The following PCDHAC2 variants were observed in gnomAD, a reference collection of about 807,000 sequenced individuals.
The protein encoded by PCDHAC2 is protocadherin alpha-C2.
A neutral mutation model predicts 63.3 loss-of-function variants in PCDHAC2; 24 were observed. That is an observed-to-expected ratio of 0.38 (90% confidence interval 0.27 to 0.53). PCDHAC2 has a LOEUF of 0.53. PCDHAC2 is among the 20% of genes least tolerant of loss of function. PCDHAC2 has a pLI of 0.81. For synonymous variants in PCDHAC2, 569 were observed against 529.4 expected, an observed-to-expected ratio of 1.07 and a Z score of -1.03; for missense variants, 1,181 against 1,275.2, an observed-to-expected ratio of 0.93 and a Z score of 1.12.
chr5:140,990,427 AC>A (rs1488981685), intron 3 of PCDHAC2, among the ~76,000 whole-genome samples: 5 of 152,174 alleles, frequency 3.3e-5, no homozygotes, highest in African/African-American at 1.2e-4. Flanking sequence ...ACCAGCATTG[AC>A]CCAATCTTGT....
rs1554230915 is a variant in PCDHAC2, at chr5:140,968,609, G to C, written c.1843G>C (p.Gly615Arg). ...TKVIAMDSDS[G>R]QNAWLFYHLA... ...AGTCATAGCTATGGACTCAGACTCT[G>C]GGCAAAATGCTTGGCTTTTTTACCA... is the stretch of plus-strand genomic sequence containing the variant. The change falls in exon 1 of 4, where the codon GGG becomes CGG. Residue 615 changes from glycine to arginine, a missense_variant. Gly to Arg is a moderately radical substitution (Grantham distance 125). Around this residue, in one of 3 missense-constraint regions of PCDHAC2, gnomAD observed 968 missense variants for 1,073.5 expected, o/e 0.90. Coordinates refer to ENST00000289269, the MANE Select transcript of PCDHAC2 (RefSeq NM_018899.6). 6.2e-7 allele frequency: 1 copy of C among 1,614,194 alleles called. No individual in the cohort carries two copies. The highest frequency in any genetic ancestry group is 1.7e-5 in the Admixed American group (1 of 60,024).
At chr5:140,982,253 A>G (rs1209317234) in intron 2 of PCDHAC2, 16 of 777,640 alleles carry the variant, frequency 2.1e-5, no homozygotes, top group Admixed American at 3.3e-5. Context: ...AAGATAGAAC[A>G]TGTGTGTTCC....
chr5:140,995,883 A>C (rs892876266), intron 3 of PCDHAC2, among the ~76,000 whole-genome samples: 2 of 152,232 alleles, frequency 1.3e-5, no homozygotes, highest in Admixed American at 6.5e-5. Flanking sequence ...CCTGTGCTTC[A>C]GATTTATCAA....
Position 140,967,193 on chromosome 5 carries a change from G to A in PCDHAC2, c.427G>A (p.Asp143Asn), listed in dbSNP as rs1190093681. The A allele has an allele frequency of 6.2e-7, 1 of 1,613,392 alleles. No homozygotes were observed. The highest frequency in any genetic ancestry group is 8.5e-7 in the Non-Finnish European group (1 of 1,179,784). Reference protein sequence around the residue: ...AVEVEILDINDNSPRFPRPNY... With the variant: ...AVEVEILDINNNSPRFPRPNY... ...TGAGGTGGAAATATTGGACATCAAC[G>A]ACAACTCACCGCGTTTCCCGCGGCC... The change falls in exon 1 of 4, where the codon GAC becomes AAC. Residue 143 changes from aspartate to asparagine, a missense_variant. Asp to Asn is a conservative substitution (Grantham distance 23). Around this residue, in one of 3 missense-constraint regions of PCDHAC2, gnomAD observed 3 missense variants for 16.8 expected, o/e 0.18. Coordinates refer to ENST00000289269, the MANE Select transcript of PCDHAC2 (RefSeq NM_018899.6).
At position 141,003,197 on chromosome 5, in the gene PCDHAC2, C is replaced by T. The variant is rs77453404; in HGVS notation, c.2714-6430C>T. 6.7e-3 allele frequency among the ~76,000 whole-genome samples: 1,024 copies of T among 152,320 alleles called. 13 individuals are homozygous for T. Among genetic ancestry groups the T allele is most frequent in the African/African-American group, 0.024 (986 of 41,560 alleles). On this transcript the variant is annotated intron_variant, in intron 3 of 3. Transcript: ENST00000289269. ...GGCTCAACTCCATCAACTCAGGCAGCCAGGGTTAGTTTAGCATGAAAGAGG... is the reference window on the plus strand; with the variant it reads ...GGCTCAACTCCATCAACTCAGGCAGTCAGGGTTAGTTTAGCATGAAAGAGG...
chr5:140,997,188 G>T (rs948891203), intron 3 of PCDHAC2, among the ~76,000 whole-genome samples: 1 of 151,976 alleles, frequency 6.6e-6, no homozygotes, highest in African/African-American at 2.4e-5. Context: ...GACAATTGAT[G>T]AAACTATATT....
rs886575781 is a variant in PCDHAC2, at chr5:140,968,301, A to G, written c.1535A>G (p.Glu512Gly). 9 of 1,613,914 alleles carry G rather than the reference A, an allele frequency of 5.6e-6. No homozygotes were observed. The highest frequency in any genetic ancestry group is 7.6e-6 in the Non-Finnish European group (9 of 1,179,874). ...AEVTYSLLEREIQGLPVTSYV... is the reference protein window; with the variant it reads ...AEVTYSLLERGIQGLPVTSYV... ...GTGACCTACTCCCTTCTGGAGAGGG[A>G]GATTCAAGGGCTGCCAGTCACCTCC... is the stretch of plus-strand genomic sequence containing the variant. Residue 512 changes from glutamate to glycine, a missense_variant, in exon 1 of 4, where the codon GAG becomes GGG. By Grantham distance (98) the Glu-to-Gly change is moderately conservative. Coordinates refer to ENST00000289269, the MANE Select transcript of PCDHAC2 (RefSeq NM_018899.6).
chr5:140,978,778 T>C, intron 1 of PCDHAC2, 171 bp from the exon 2 acceptor site: 1 of 968,888 alleles, frequency 1.0e-6, no homozygotes, highest in Non-Finnish European at 1.2e-6. Context: ...CTAATTTTCT[T>C]CTAAAGTGCT....
In PCDHAC2 at chr5:140,971,961, T is replaced by C. The variant is rs1412814726; in HGVS notation, c.2565+2630T>C. ...TGTATCCATCTGACTCCAAAAACTT[T>C]TTTTCAATACTATGAGTAGACAGAA... On this transcript the variant is annotated intron_variant, in intron 1 of 3. Transcript: ENST00000289269. 2.0e-5 allele frequency among the ~76,000 whole-genome samples: 3 copies of C among 152,144 alleles called. No homozygotes were observed. The East Asian group carries it at 5.8e-4, about 29-fold the overall frequency.
intron 1 of PCDHAC2, among the ~76,000 whole-genome samples, chr5:140,974,152 G>A (rs183558718): frequency 4.2e-4 from 64 of 152,284 alleles, no homozygotes; most frequent in Admixed American, 2.4e-3. Flanking sequence ...CTATACAAGG[G>A]TTTTTCTTTC....
rs560557725 is a variant in PCDHAC2, at chr5:141,005,418, G to T, written c.2714-4209G>T. Among the ~76,000 whole-genome samples, 149 of 152,250 alleles carry T rather than the reference G, an allele frequency of 9.8e-4. 1 individual carries two copies. The highest frequency in any genetic ancestry group is 3.5e-3 in the African/African-American group (145 of 41,544). On this transcript the variant is annotated intron_variant, in intron 3 of 3. Transcript: ENST00000289269. ...ACAGACTTGAAGAGTGAGGAGTCAT[G>T]CTAAGAATGGATGAGAGGCTCACGC...
rs547096956 is a variant in PCDHAC2, at chr5:140,967,167, T to C, written c.401T>C (p.Val134Ala). 6.2e-6 allele frequency: 10 copies of C among 1,611,120 alleles called. No homozygotes were observed. In the Admixed American group the frequency reaches 8.3e-5, roughly 13 times the overall value. Reference protein sequence around the residue: ...LAHNPVAVSAVEVEILDINDN... With the variant: ...LAHNPVAVSAAEVEILDINDN... ...CACAACCCCGTGGCGGTGAGCGCCG[T>C]TGAGGTGGAAATATTGGACATCAAC... is the stretch of plus-strand genomic sequence containing the variant. Residue 134 changes from valine to alanine, a missense_variant, in exon 1 of 4, where the codon GTT (valine) becomes GCT (alanine). Physicochemically the swap from Val to Ala is moderately conservative, Grantham distance 64. Transcript: ENST00000289269.
At chr5:141,001,977 A>T (rs527826696) in intron 3 of PCDHAC2, among the ~76,000 whole-genome samples, 1 of 152,246 alleles carries the variant, frequency 6.6e-6, no homozygotes, top group South Asian at 2.1e-4. Flanking sequence ...CTCTGCGCGG[A>T]AAGCCTGGAA....
At position 140,967,046 on chromosome 5, in the gene PCDHAC2, C is replaced by T; in HGVS notation, c.280C>T (p.Leu94=). 1 of 1,612,334 alleles carries T rather than the reference C, an allele frequency of 6.2e-7. No homozygotes were observed. The highest frequency in any genetic ancestry group is 1.3e-5 in the African/African-American group (1 of 75,076). The part of the protein sequence containing the change: ...APSPRYLELD[L]TSGALFVNER... The stretch of plus-strand genomic sequence containing the variant: ...CAGTCCGCGCTACCTGGAGCTGGAC[C>T]TGACGAGTGGAGCGCTCTTCGTCAA... Residue 94 remains leucine, a synonymous_variant, in exon 1 of 4, where the codon CTG becomes TTG. Coordinates refer to ENST00000289269, the MANE Select transcript of PCDHAC2 (RefSeq NM_018899.6).
intron 1 of PCDHAC2, among the ~76,000 whole-genome samples, chr5:140,970,659 T>C (rs1243959173): frequency 4.6e-5 from 7 of 152,238 alleles, no homozygotes; most frequent in Non-Finnish European, 2.9e-5. Context: ...AATTGTTATC[T>C]TTCCAAATAA....
chr5:140,999,751 G>A (rs1167424188), intron 3 of PCDHAC2, among the ~76,000 whole-genome samples: 1 of 152,150 alleles, frequency 6.6e-6, no homozygotes, highest in Non-Finnish European at 1.5e-5. Flanking sequence ...TGGGTTCGCA[G>A]CACATGATGT....
rs781892888 is a variant in PCDHAC2, at chr5:140,967,565, C to T, written c.799C>T (p.Arg267Trp). ...FDQSTYRVQL[R>W]EDSPPGTLVV... Reference sequence around the variant, plus strand: ...CCAGTCCACTTATCGCGTCCAGCTACGGGAGGACTCACCCCCAGGCACATT... The same window carrying T: ...CCAGTCCACTTATCGCGTCCAGCTATGGGAGGACTCACCCCCAGGCACATT... Residue 267 changes from arginine to tryptophan, a missense_variant, in exon 1 of 4, where the codon CGG (arginine) becomes TGG (tryptophan). Physicochemically the swap from Arg to Trp is moderately radical, Grantham distance 101. Transcript: ENST00000289269. The T allele has an allele frequency of 3.1e-6, 5 of 1,614,080 alleles. No individual in the cohort carries two copies. The highest frequency in any genetic ancestry group is 2.7e-5 in the African/African-American group (2 of 75,044).
chr5:140,973,556 C>A lies in PCDHAC2; in HGVS notation c.2565+4225C>A, dbSNP rs993191449. Among the ~76,000 whole-genome samples the A allele has an allele frequency of 3.9e-5, 6 of 152,336 alleles. 1 individual carries two copies. In the South Asian group the frequency reaches 1.2e-3, roughly 32 times the overall value. ...ATACAATAATTTATTTCAATTACCT[C>A]TTTCCTCAATTTTTCTACAGACTGC... On this transcript the variant is annotated intron_variant, in intron 1 of 3. Coordinates refer to ENST00000289269, the MANE Select transcript of PCDHAC2 (RefSeq NM_018899.6).
At chr5:140,994,059 A>G (rs2097593470) in intron 3 of PCDHAC2, among the ~76,000 whole-genome samples, 5 of 152,174 alleles carry the variant, frequency 3.3e-5, no homozygotes, top group Admixed American at 3.3e-4. Context: ...GCCCTTATAA[A>G]TCTAATGGTG....
Sources: allele counts gnomAD v4.1 joint callset (sites outside exome capture counted in the v4.1 genomes callset), GRCh38; gene constraint gnomAD v4.1.1; regional missense constraint gnomAD v4.1.1; transcripts MANE v1.5; gene names NCBI Gene and HGNC (gene_info 2026-07-23, HGNC 2026-07-21).